The following PEX14 variants were observed in gnomAD, a reference collection of about 807,000 sequenced individuals.
The protein encoded by PEX14 is peroxisomal biogenesis factor 14.
PEX14 carries 15 observed loss-of-function variants against 49.5 expected under a neutral mutation model. That is an observed-to-expected ratio of 0.30 (90% CI 0.20 to 0.47). The LOEUF is 0.47. Ranked by LOEUF, PEX14 falls within the 20% of genes least tolerant of loss-of-function variation. The pLI, the probability that PEX14 is intolerant of heterozygous loss-of-function variation, is 1.00. For missense variants in PEX14, 398 were observed against 494.8 expected (o/e 0.80, Z 1.86); for synonymous variants, 210 against 212.7 (o/e 0.99, Z 0.11).
intron 1 of PEX14, among the ~76,000 whole-genome samples, chr1:10,489,776 C>T (rs1641438856): frequency 6.6e-6 from 1 of 152,236 alleles, no homozygotes; most frequent in South Asian, 2.1e-4. Context: ...GTGGCGTGCT[C>T]TGCTGGGGAT....
chr1:10,513,907 G>A (rs1240864997), intron 2 of PEX14, among the ~76,000 whole-genome samples: 1 of 152,182 alleles, frequency 6.6e-6, no homozygotes. Flanking sequence ...GATCTCCCAG[G>A]CAGGATATTA....
At chr1:10,535,947 A>G in intron 2 of PEX14, 1 of 448,184 alleles carries the variant, frequency 2.2e-6, no homozygotes. Context: ...AATGGAGATC[A>G]GGAGGAACAG....
chr1:10,564,594 T>C (rs902625091), intron 3 of PEX14, among the ~76,000 whole-genome samples: 2 of 81,116 alleles, frequency 2.5e-5, no homozygotes, highest in African/African-American at 7.8e-5. Context: ...TCTTTTTCTT[T>C]CTTTTTTTTT....
chr1:10,579,162 T>C (rs777751724), intron 3 of PEX14, among the ~76,000 whole-genome samples: 15 of 151,896 alleles, frequency 9.9e-5, no homozygotes, highest in Non-Finnish European at 2.1e-4. Context: ...TAATATTAAA[T>C]AAAAAGGGAA....
At chr1:10,546,563 C>CA (rs35214823) in intron 3 of PEX14, among the ~76,000 whole-genome samples, 15,648 of 47,686 alleles carry the variant, frequency 0.33, 2,744 homozygotes, top group African/African-American at 0.36. Flanking sequence ...GACTCTGTTT[C>CA]AAAAAAAAAA....
intron 5 of PEX14, among the ~76,000 whole-genome samples, chr1:10,618,669 G>T (rs1641502872): frequency 6.6e-6 from 1 of 152,244 alleles, no homozygotes; most frequent in South Asian, 2.1e-4. Context: ...CACTTGCAGG[G>T]GCGTCGTGAG....
intron 3 of PEX14, among the ~76,000 whole-genome samples, chr1:10,556,523 G>T (rs1372117763): frequency 1.3e-5 from 2 of 152,196 alleles, no homozygotes; most frequent in Admixed American, 6.5e-5. Flanking sequence ...TGGAGGGCCA[G>T]AGGCAGTCGG....
chr1:10,595,427 T>C (rs944767350), intron 3 of PEX14, among the ~76,000 whole-genome samples: 1 of 152,208 alleles, frequency 6.6e-6, no homozygotes, highest in Non-Finnish European at 1.5e-5. Context: ...ATCAATAATA[T>C]ATTTTAATTG....
intron 4 of PEX14, among the ~76,000 whole-genome samples, chr1:10,605,062 T>G (rs995832250): frequency 6.6e-6 from 1 of 151,808 alleles, no homozygotes; most frequent in African/African-American, 2.4e-5. Flanking sequence ...CCCACTGCAC[T>G]TAAACATTTA....
At chr1:10,519,240 G>A (rs1191950143) in intron 2 of PEX14, among the ~76,000 whole-genome samples, 2 of 152,092 alleles carry the variant, frequency 1.3e-5, no homozygotes, top group South Asian at 2.1e-4. Flanking sequence ...CCTATTAGGC[G>A]TGCCCTGTGC....
chr1:10,523,649 T>G (rs896166277), intron 2 of PEX14, among the ~76,000 whole-genome samples: 3 of 151,450 alleles, frequency 2.0e-5, no homozygotes, highest in Non-Finnish European at 4.4e-5. Flanking sequence ...AAAAATCTTG[T>G]AGGAAAATTC....
chr1:10,560,120 C>T lies in PEX14; in HGVS notation c.169+23823C>T, dbSNP rs576393293. Among the ~76,000 whole-genome samples the T allele has an allele frequency of 4.6e-4, 70 of 152,058 alleles. No individual in the cohort carries two copies. The Middle Eastern group carries it at 0.037, about 81-fold the overall frequency. ...TTGCTCAGGCTGGAATGCAATGGCA[C>T]GATCTTGGCTCACTGCAATCTCTGC... On this transcript the variant is annotated intron_variant, in intron 3 of 8. Transcript: ENST00000356607.
intron 4 of PEX14, among the ~76,000 whole-genome samples, chr1:10,615,433 A>G (rs566600695): frequency 6.6e-6 from 1 of 152,358 alleles, no homozygotes; most frequent in African/African-American, 2.4e-5. Context: ...AATGAGATCA[A>G]TGCAAATTAG....
chr1:10,575,906 C>A (rs1426575573), intron 3 of PEX14, among the ~76,000 whole-genome samples: 1 of 152,112 alleles, frequency 6.6e-6, no homozygotes, highest in Non-Finnish European at 1.5e-5. Context: ...GAGTACCTGT[C>A]TCAATATGCT....
At chr1:10,484,049 A>G (rs1487449339) in intron 1 of PEX14, among the ~76,000 whole-genome samples, 7 of 126,816 alleles carry the variant, frequency 5.5e-5, no homozygotes, top group Admixed American at 4.2e-4. Context: ...TTTTTTTGAG[A>G]TGGTATTTCG....
Position 10,548,686 on chromosome 1 carries a change from G to C in PEX14, c.169+12389G>C, listed in dbSNP as rs560586832. Among the ~76,000 whole-genome samples the C allele has an allele frequency of 2.8e-3, 433 of 152,260 alleles. 4 individuals carry two copies. The highest frequency in any genetic ancestry group is 9.8e-3 in the African/African-American group (409 of 41,540). ...TAAATTTATTTTTAACTATAGATAG[G>C]CTTGCTAGGTTGGTCATTCCACAGC... On this transcript the variant is annotated intron_variant, in intron 3 of 8. Coordinates refer to ENST00000356607, the MANE Select transcript of PEX14 (RefSeq NM_004565.3).
intron 3 of PEX14, among the ~76,000 whole-genome samples, chr1:10,594,060 A>T (rs1353143599): frequency 6.6e-6 from 1 of 152,220 alleles, no homozygotes; most frequent in Non-Finnish European, 1.5e-5. Flanking sequence ...ATTTATGTTT[A>T]AAAAATTCAA....
chr1:10,531,072 T>C (rs918515557), intron 2 of PEX14, among the ~76,000 whole-genome samples: 1 of 151,638 alleles, frequency 6.6e-6, no homozygotes, highest in Admixed American at 6.6e-5. Context: ...GAGCCCGGCA[T>C]TGTGAATGGT....
At chr1:10,607,219 G>C (rs954200641) in intron 4 of PEX14, among the ~76,000 whole-genome samples, 3 of 151,882 alleles carry the variant, frequency 2.0e-5, no homozygotes, top group Admixed American at 6.6e-5. Context: ...GTGCGCATCC[G>C]AAGCCTTTTC....
Sources: allele counts gnomAD v4.1 joint callset (sites outside exome capture counted in the v4.1 genomes callset), GRCh38; gene constraint gnomAD v4.1.1; transcripts MANE v1.5; gene names NCBI Gene and HGNC (gene_info 2026-07-23, HGNC 2026-07-21).